Variants in TRPS1 observed in about 807,000 individuals in gnomAD.
TRPS1 encodes the protein transcriptional repressor GATA binding 1.
Under a neutral mutation model 101.2 loss-of-function variants are expected in TRPS1, and 6 were observed. The ratio of observed to expected loss-of-function variants is 0.06; its 90% CI spans 0.03 to 0.12. The LOEUF (loss-of-function observed/expected upper bound fraction) is 0.12, where lower values mean the gene tolerates loss of function less well. TRPS1 is among the 10% of genes least tolerant of loss of function. The probability of loss-of-function intolerance (pLI) is 1.00; values close to 1 mark genes in which losing one functional copy is unlikely to be tolerated. For synonymous variants in TRPS1, 578 were observed against 589.8 expected (o/e 0.98, Z 0.29); for missense variants, 1,363 against 1,567.0 (o/e 0.87, Z 2.20).
intron 5 of TRPS1, among the ~76,000 whole-genome samples, chr8:115,504,723 G>A (rs1174289018): frequency 6.6e-6 from 1 of 152,114 alleles, no homozygotes; most frequent in Non-Finnish European, 1.5e-5. Flanking sequence ...AAATTATAAT[G>A]TTAGGCATAT....
intron 5 of TRPS1, among the ~76,000 whole-genome samples, chr8:115,429,668 T>C (rs1813272600): frequency 6.6e-6 from 1 of 152,166 alleles, no homozygotes; most frequent in South Asian, 2.1e-4. Flanking sequence ...GCAGCCCAAC[T>C]TGAGACACAA....
At chr8:115,623,181 G>C (rs953518795) in intron 2 of TRPS1, among the ~76,000 whole-genome samples, 1 of 151,856 alleles carries the variant, frequency 6.6e-6, no homozygotes, top group East Asian at 1.9e-4. Flanking sequence ...ATGCTGAATA[G>C]AGCCCTTAAT....
chr8:115,484,434 G>C (rs1374848759), intron 5 of TRPS1, among the ~76,000 whole-genome samples: 1 of 152,112 alleles, frequency 6.6e-6, no homozygotes, highest in Non-Finnish European at 1.5e-5. Flanking sequence ...CATGATAGAA[G>C]TAATAGCTAT....
chr8:115,641,666 G>A (rs1563664368), intron 1 of TRPS1, among the ~76,000 whole-genome samples: 1 of 152,172 alleles, frequency 6.6e-6, no homozygotes, highest in Non-Finnish European at 1.5e-5. Context: ...GATCACCTGA[G>A]GTCAGGAGTT....
chr8:115,487,584 T>G (rs961442298), intron 5 of TRPS1, among the ~76,000 whole-genome samples: 2 of 152,194 alleles, frequency 1.3e-5, no homozygotes. Context: ...GGTTAAAATA[T>G]TAACACTAAC....
At chr8:115,612,137 G>A (rs1290203463) in intron 3 of TRPS1, among the ~76,000 whole-genome samples, 4 of 97,826 alleles carry the variant, frequency 4.1e-5, no homozygotes, top group Admixed American at 1.3e-4. Context: ...AAAAGAAGGA[G>A]GACAGAAGAA....
chr8:115,516,825 C>A (rs1163390228), intron 5 of TRPS1, among the ~76,000 whole-genome samples: 1 of 151,476 alleles, frequency 6.6e-6, no homozygotes, highest in African/African-American at 2.4e-5. Context: ...TAATCCCAAA[C>A]CAGTGTTCTT....
At chr8:115,427,390 A>G (rs745975008) in intron 5 of TRPS1, among the ~76,000 whole-genome samples, 10 of 152,186 alleles carry the variant, frequency 6.6e-5, no homozygotes, top group Non-Finnish European at 1.2e-4. Context: ...ATCATTGCAC[A>G]TATGTTTGCA....
chr8:115,430,772 A>G (rs773782125), intron 5 of TRPS1, among the ~76,000 whole-genome samples: 6 of 152,140 alleles, frequency 3.9e-5, no homozygotes, highest in Admixed American at 1.3e-4. Context: ...CATTTTCAGC[A>G]CTACCATGTA....
chr8:115,472,159 C>T lies in TRPS1; in HGVS notation c.2701-53707G>A, dbSNP rs562316132. Reference sequence around the variant, plus strand: ...TCTGCATTGCCCTAGCAGAGGTTCTCAATGAGGGCTCAACCACTGCAGAAA... The same window carrying T: ...TCTGCATTGCCCTAGCAGAGGTTCTTAATGAGGGCTCAACCACTGCAGAAA... On this transcript the variant is annotated intron_variant, in intron 5 of 6. Coordinates refer to ENST00000395715, the MANE Select transcript of TRPS1 (RefSeq NM_014112.5). Among the ~76,000 whole-genome samples, 358 of 152,364 alleles carry T rather than the reference C, an allele frequency of 2.3e-3. 2 individuals are homozygous for T. The highest frequency in any genetic ancestry group is 7.8e-3 in the African/African-American group (326 of 41,592).
chr8:115,440,672 C>T (rs1813571548), intron 5 of TRPS1, among the ~76,000 whole-genome samples: 1 of 152,100 alleles, frequency 6.6e-6, no homozygotes, highest in African/African-American at 2.4e-5. Context: ...TGTTGCTCTC[C>T]TTTCTTTTTA....
At chr8:115,497,632 C>G (rs1815181590) in intron 5 of TRPS1, among the ~76,000 whole-genome samples, 1 of 152,176 alleles carries the variant, frequency 6.6e-6, no homozygotes, top group South Asian at 2.1e-4. Flanking sequence ...AGGGATAATT[C>G]TACCAGTTTT....
chr8:115,549,029 G>C (rs539651792), intron 5 of TRPS1, among the ~76,000 whole-genome samples: 14 of 152,252 alleles, frequency 9.2e-5, no homozygotes, highest in African/African-American at 3.4e-4. Context: ...GTAAAAATTG[G>C]TTCAATGGTG....
chr8:115,661,143 G>T (rs1811786507), intron 1 of TRPS1, among the ~76,000 whole-genome samples: 1 of 151,938 alleles, frequency 6.6e-6, no homozygotes, highest in Non-Finnish European at 1.5e-5. Context: ...ACAATACACT[G>T]AAAGGTGGCA....
chr8:115,612,738 G>T (rs1448540592), intron 3 of TRPS1, among the ~76,000 whole-genome samples: 2 of 152,124 alleles, frequency 1.3e-5, no homozygotes, highest in Non-Finnish European at 2.9e-5. Context: ...GAAATGCTAG[G>T]CCAGGAGACT....
intron 1 of TRPS1, among the ~76,000 whole-genome samples, chr8:115,624,621 G>A (rs572193110): frequency 3.3e-5 from 5 of 151,778 alleles, no homozygotes; most frequent in South Asian, 2.1e-4. Context: ...TTAATTAACC[G>A]TATTTCCTTC....
intron 5 of TRPS1, chr8:115,510,958 G>A (rs1347115146): frequency 6.6e-6 from 1 of 151,868 alleles, no homozygotes; most frequent in Admixed American, 6.6e-5. Context: ...TCATGCGCTT[G>A]TCTCAAGGAC....
intron 1 of TRPS1, among the ~76,000 whole-genome samples, chr8:115,641,880 G>A (rs891479042): frequency 1.3e-5 from 2 of 151,446 alleles, no homozygotes; most frequent in Non-Finnish European, 2.9e-5. Context: ...TCTCCGTCTC[G>A]AAAACAAAAC....
chr8:115,446,376 C>T (rs550871974), intron 5 of TRPS1, among the ~76,000 whole-genome samples: 1 of 150,300 alleles, frequency 6.7e-6, no homozygotes, highest in African/African-American at 2.4e-5. Context: ...TTCCCCTGAT[C>T]TCACACTTTT....
Sources: gnomAD v4.1 joint callset for allele counts (sites outside exome capture counted in the v4.1 genomes callset) on GRCh38, gnomAD v4.1.1 for gene constraint, MANE v1.5 for transcripts, NCBI Gene and HGNC (gene_info 2026-07-23, HGNC 2026-07-21) for gene names.